Variants in OPCML observed in about 807,000 individuals in gnomAD.
OPCML encodes opioid binding protein/cell adhesion molecule like.
Under a neutral mutation model 37.8 loss-of-function variants are expected in OPCML, and 13 were observed. The ratio of observed to expected loss-of-function variants is 0.34; its 90% CI spans 0.22 to 0.55. OPCML has a LOEUF of 0.55. Ranked by LOEUF, OPCML falls within the 20% of genes least tolerant of loss-of-function variation. OPCML has a pLI of 0.91. For synonymous variants in OPCML, 176 were observed against 168.8 expected (o/e 1.04, Z -0.33); for missense variants, 341 against 435.6 (o/e 0.78, Z 1.93).
intron 1 of OPCML, among the ~76,000 whole-genome samples, chr11:133,518,345 G>C (rs924783274): frequency 1.3e-5 from 2 of 150,922 alleles, no homozygotes; most frequent in Non-Finnish European, 2.9e-5. Context: ...GGGTGTGTTT[G>C]TGCTCATATG....
At chr11:133,321,795 T>G (rs898487915) in intron 1 of OPCML, among the ~76,000 whole-genome samples, 2 of 152,150 alleles carry the variant, frequency 1.3e-5, no homozygotes, top group Non-Finnish European at 2.9e-5. Context: ...AACTCGAGTT[T>G]GATTCCGTGG....
At chr11:132,748,444 G>T (rs1206976851) in intron 2 of OPCML, among the ~76,000 whole-genome samples, 4 of 152,146 alleles carry the variant, frequency 2.6e-5, no homozygotes, top group African/African-American at 9.7e-5. Flanking sequence ...TCTTCTAGTG[G>T]GAGAGTTAGA....
At chr11:132,452,734 A>T (rs1565574826) in intron 4 of OPCML, among the ~76,000 whole-genome samples, 1 of 152,062 alleles carries the variant, frequency 6.6e-6, no homozygotes, top group Non-Finnish European at 1.5e-5. Context: ...ACCACTAAGG[A>T]CTAATAACTA....
intron 1 of OPCML, among the ~76,000 whole-genome samples, chr11:133,469,850 T>C (rs1257117472): frequency 1.3e-5 from 2 of 152,212 alleles, no homozygotes; most frequent in Admixed American, 6.5e-5. Context: ...TTTCTTTGTC[T>C]CTTATAAAAT....
intron 2 of OPCML, among the ~76,000 whole-genome samples, chr11:132,894,504 A>G (rs1591766401): frequency 6.6e-6 from 1 of 152,286 alleles, no homozygotes; most frequent in South Asian, 2.1e-4. Flanking sequence ...TGAGCAGCAG[A>G]ACTTGTGATG....
At chr11:133,351,819 C>T (rs905915114) in intron 1 of OPCML, among the ~76,000 whole-genome samples, 25 of 152,070 alleles carry the variant, frequency 1.6e-4, no homozygotes, top group Admixed American at 4.6e-4. Context: ...TGCCATACCC[C>T]CCACACAAAC....
chr11:132,609,111 G>A (rs117162617), intron 3 of OPCML, among the ~76,000 whole-genome samples: 3 of 150,802 alleles, frequency 2.0e-5, no homozygotes, highest in Admixed American at 6.7e-5. Flanking sequence ...TCTTTAATTC[G>A]TGTTTCTCAT....
intron 2 of OPCML, among the ~76,000 whole-genome samples, chr11:132,808,657 CCTTAT>C (rs1939157927): frequency 6.6e-6 from 1 of 152,136 alleles, no homozygotes; most frequent in Non-Finnish European, 1.5e-5. Flanking sequence ...TCTTTCCTTG[CCTTAT>C]CTTTTCCTTC....
chr11:132,636,280 T>C (rs1435496527), intron 3 of OPCML, among the ~76,000 whole-genome samples: 1 of 152,188 alleles, frequency 6.6e-6, no homozygotes, highest in East Asian at 1.9e-4. Flanking sequence ...ATTAGTAAAG[T>C]CACGTGCAGA....
intron 2 of OPCML, among the ~76,000 whole-genome samples, chr11:132,895,807 C>G (rs565171429): frequency 6.6e-6 from 1 of 152,242 alleles, no homozygotes; most frequent in Middle Eastern, 3.4e-3. Context: ...GAATCCACCC[C>G]CCCTGCCCCT....
intron 1 of OPCML, among the ~76,000 whole-genome samples, chr11:133,113,909 T>A (rs1024716296): frequency 6.6e-6 from 1 of 152,204 alleles, no homozygotes; most frequent in Non-Finnish European, 1.5e-5. Flanking sequence ...GAGAGAACCA[T>A]TCTTAGAAAA....
At chr11:132,994,356 T>A (rs1296455953) in intron 1 of OPCML, among the ~76,000 whole-genome samples, 1 of 152,004 alleles carries the variant, frequency 6.6e-6, no homozygotes, top group African/African-American at 2.4e-5. Context: ...ACCTACCAGG[T>A]CAGCGTGAGT....
At chr11:133,526,953 C>T (rs1948503733) in intron 1 of OPCML, among the ~76,000 whole-genome samples, 1 of 152,234 alleles carries the variant, frequency 6.6e-6, no homozygotes, top group Admixed American at 6.5e-5. Context: ...CTGCTCCTGA[C>T]AGCCTGGCTT....
intron 2 of OPCML, among the ~76,000 whole-genome samples, chr11:132,853,619 A>G (rs1307147196): frequency 6.6e-6 from 1 of 152,170 alleles, no homozygotes; most frequent in African/African-American, 2.4e-5. Context: ...TCCCCATCCC[A>G]CAGCCTTAAG....
chr11:133,101,943 C>T (rs1949089960), intron 1 of OPCML, among the ~76,000 whole-genome samples: 1 of 151,720 alleles, frequency 6.6e-6, no homozygotes, highest in Non-Finnish European at 1.5e-5. Flanking sequence ...ATGCATATTG[C>T]CAAGTGAACG....
intron 1 of OPCML, among the ~76,000 whole-genome samples, chr11:133,198,030 T>C (rs1178197402): frequency 6.6e-6 from 1 of 152,338 alleles, no homozygotes; most frequent in Non-Finnish European, 1.5e-5. Context: ...CTCCTTCCCC[T>C]GTGTAAGGTC....
chr11:133,370,521 T>C (rs1383464196), intron 1 of OPCML, among the ~76,000 whole-genome samples: 1 of 150,176 alleles, frequency 6.7e-6, no homozygotes, highest in African/African-American at 2.4e-5. Flanking sequence ...GGAATAAATT[T>C]AACCAAGAAG....
At chr11:132,546,006 G>C (rs1454683307) in intron 3 of OPCML, among the ~76,000 whole-genome samples, 1 of 152,296 alleles carries the variant, frequency 6.6e-6, no homozygotes, top group South Asian at 2.1e-4. Context: ...TCTTACCATT[G>C]TTCCAATCCA....
chr11:132,920,211 G>A (rs1446656536), intron 2 of OPCML, among the ~76,000 whole-genome samples: 1 of 152,192 alleles, frequency 6.6e-6, no homozygotes, highest in African/African-American at 2.4e-5. Flanking sequence ...TATCAAGCAA[G>A]GCATTTTGGA....
Sources: allele counts gnomAD v4.1 joint callset (sites outside exome capture counted in the v4.1 genomes callset), GRCh38; gene constraint gnomAD v4.1.1; transcripts MANE v1.5; gene names NCBI Gene and HGNC (gene_info 2026-07-23, HGNC 2026-07-21).